CADM2: variants seen among roughly 807,000 people sequenced by gnomAD.
CADM2 encodes immunoglobulin superfamily member 4D.
Under a neutral mutation model 49.8 loss-of-function variants are expected in CADM2, and 12 were observed. The ratio of observed to expected loss-of-function variants is 0.24; its 90% CI spans 0.15 to 0.39. The LOEUF is 0.39. CADM2 is among the 10% of genes least tolerant of loss of function. The pLI is 1.00. For synonymous variants in CADM2, 214 were observed against 175.4 expected, an observed-to-expected ratio of 1.22 and a Z score of -1.74; for missense variants, 378 against 492.3, an observed-to-expected ratio of 0.77 and a Z score of 2.20.
intron 6 of CADM2, among the ~76,000 whole-genome samples, chr3:85,918,060 C>T (rs377182074): frequency 9.3e-5 from 14 of 151,348 alleles, no homozygotes; most frequent in Non-Finnish European, 1.6e-4. Flanking sequence ...TGGGCTTAGA[C>T]GATGGGGTTT....
intron 1 of CADM2, among the ~76,000 whole-genome samples, chr3:85,195,257 T>G (rs1427340677): frequency 6.6e-6 from 1 of 152,114 alleles, no homozygotes; most frequent in Non-Finnish European, 1.5e-5. Flanking sequence ...TTATTTAATT[T>G]CTGTAGAGTC....
At chr3:85,899,623 AT>A (rs1715822156) in intron 5 of CADM2, among the ~76,000 whole-genome samples, 1 of 152,080 alleles carries the variant, frequency 6.6e-6, no homozygotes, top group Admixed American at 6.5e-5. Context: ...TAGTCAAGTT[AT>A]TTAGAGGTTA....
At chr3:85,659,537 A>G (rs191467727) in intron 1 of CADM2, among the ~76,000 whole-genome samples, 1 of 152,160 alleles carries the variant, frequency 6.6e-6, no homozygotes, top group African/African-American at 2.4e-5. Flanking sequence ...ACAAGGGGGA[A>G]CATTGTCTCA....
intron 8 of CADM2, chr3:86,014,079 AGG>A: frequency 1.5e-6 from 2 of 1,296,454 alleles, no homozygotes; most frequent in South Asian, 3.1e-5. Context: ...CGGTTAAGAA[AGG>A]GGTAAAGAAC....
intron 3 of CADM2, among the ~76,000 whole-genome samples, chr3:85,851,489 G>A (rs989383172): frequency 6.6e-6 from 1 of 151,640 alleles, no homozygotes. Context: ...ACCAGATTTT[G>A]TATCACTTTT....
chr3:85,466,788 C>T (rs1268583403), intron 1 of CADM2, among the ~76,000 whole-genome samples: 5 of 150,800 alleles, frequency 3.3e-5, no homozygotes, highest in African/African-American at 9.7e-5. Context: ...TCAACAGTTT[C>T]CCCCCATTGG....
chr3:85,376,637 G>C (rs1271166695), intron 1 of CADM2, among the ~76,000 whole-genome samples: 1 of 151,926 alleles, frequency 6.6e-6, no homozygotes, highest in African/African-American at 2.4e-5. Context: ...CTATTTATTT[G>C]GAACTTGCTG....
At chr3:85,447,511 T>C (rs774723747) in intron 1 of CADM2, among the ~76,000 whole-genome samples, 8 of 152,196 alleles carry the variant, frequency 5.3e-5, no homozygotes, top group African/African-American at 1.9e-4. Context: ...TATTCTGTAG[T>C]CTACAGGAAG....
chr3:86,005,850 T>TC (rs1287664499), intron 8 of CADM2, among the ~76,000 whole-genome samples: 3 of 151,912 alleles, frequency 2.0e-5, no homozygotes, highest in African/African-American at 7.3e-5. Context: ...TACCCTCACC[T>TC]CCCCCGCAAC....
intron 1 of CADM2, among the ~76,000 whole-genome samples, chr3:85,285,090 G>A (rs964913156): frequency 3.3e-5 from 5 of 152,232 alleles, no homozygotes; most frequent in African/African-American, 4.8e-5. Flanking sequence ...GATGGGATGC[G>A]ATTTGTGGTT....
intron 2 of CADM2, among the ~76,000 whole-genome samples, chr3:85,772,008 CT>C (rs397938377): frequency 0.2 from 22,945 of 112,322 alleles, 1,831 homozygotes; most frequent in East Asian, 0.36. Context: ...TTCTTTCTTT[CT>C]TTTTTTTTTT....
At chr3:84,986,867 C>T (rs2032595262) in intron 1 of CADM2, among the ~76,000 whole-genome samples, 1 of 151,566 alleles carries the variant, frequency 6.6e-6, no homozygotes, top group South Asian at 2.1e-4. Context: ...CCCTGACCAA[C>T]ATGGAGAAAC....
Position 86,012,432 on chromosome 3 carries a change from C to A in CADM2, c.970+50785C>A, listed in dbSNP as rs1731625893. On this transcript the variant is annotated intron_variant, in intron 8 of 9. Coordinates refer to ENST00000383699, the MANE Select transcript of CADM2 (RefSeq NM_001167675.2). Reference sequence around the variant, plus strand: ...AATAAAGTTGGGCTTCTCGCCCGCCCGCCCCTCGCCCGCGCGCCGGCCCTG... The same window carrying A: ...AATAAAGTTGGGCTTCTCGCCCGCCAGCCCCTCGCCCGCGCGCCGGCCCTG... The A allele has an allele frequency of 2.8e-5, 12 of 426,108 alleles. No individual in the cohort carries two copies. The South Asian group carries it at 5.5e-4, about 19-fold the overall frequency. 26.4% of individuals were successfully genotyped at this position (426,108 alleles called of 1,614,324 possible).
At chr3:85,572,938 G>A (rs904324122) in intron 1 of CADM2, among the ~76,000 whole-genome samples, 1 of 151,956 alleles carries the variant, frequency 6.6e-6, no homozygotes, top group African/African-American at 2.4e-5. Context: ...AGCTTTCTAG[G>A]TATTTCTTAA....
chr3:85,111,640 A>G (rs1011117552), intron 1 of CADM2, among the ~76,000 whole-genome samples: 2 of 147,912 alleles, frequency 1.4e-5, no homozygotes, highest in Non-Finnish European at 3.0e-5. Context: ...GAGGAGGTGG[A>G]GATGGTTGAT....
At chr3:85,092,500 C>G (rs2037634748) in intron 1 of CADM2, among the ~76,000 whole-genome samples, 1 of 152,074 alleles carries the variant, frequency 6.6e-6, no homozygotes. Context: ...TGCTCCTGAT[C>G]CATGGGAGTA....
At chr3:85,387,699 T>G (rs1357793854) in intron 1 of CADM2, among the ~76,000 whole-genome samples, 1 of 152,210 alleles carries the variant, frequency 6.6e-6, no homozygotes, top group East Asian at 1.9e-4. Flanking sequence ...TTTGCTATTA[T>G]TTTGAAATAT....
At chr3:85,281,811 A>G (rs2043506484) in intron 1 of CADM2, among the ~76,000 whole-genome samples, 1 of 152,118 alleles carries the variant, frequency 6.6e-6, no homozygotes, top group Non-Finnish European at 1.5e-5. Context: ...TTATGCAAAA[A>G]GTCATGAATA....
intron 2 of CADM2, among the ~76,000 whole-genome samples, chr3:85,787,290 T>C (rs1490255729): frequency 6.6e-6 from 1 of 152,128 alleles, no homozygotes; most frequent in Non-Finnish European, 1.5e-5. Context: ...TAATAGGAAG[T>C]ATTTTGCAGT....
Sources: gnomAD v4.1 joint callset for allele counts (sites outside exome capture counted in the v4.1 genomes callset) on GRCh38, gnomAD v4.1.1 for gene constraint, MANE v1.5 for transcripts, NCBI Gene and HGNC (gene_info 2026-07-23, HGNC 2026-07-21) for gene names.